LARS2: variants seen among roughly 807,000 people sequenced by gnomAD.
LARS2 encodes the protein leucyl-tRNA synthetase 2, mitochondrial.
LARS2 carries 81 observed loss-of-function variants against 116.6 expected under a neutral mutation model. The observed-to-expected ratio is 0.69, with a 90% CI of 0.58 to 0.84. The LOEUF is 0.84. Ranked by LOEUF, LARS2 falls within the 40% of genes least tolerant of loss-of-function variation. The probability of loss-of-function intolerance (pLI) is 0.00; values close to 1 mark genes in which losing one functional copy is unlikely to be tolerated. For missense variants in LARS2, 968 were observed against 1,114.5 expected (o/e 0.87, Z 1.87); for synonymous variants, 396 against 407.2 (o/e 0.97, Z 0.33).
intron 7 of LARS2, among the ~76,000 whole-genome samples, chr3:45,454,860 G>C (rs1439187571): frequency 6.6e-6 from 1 of 152,196 alleles, no homozygotes; most frequent in Non-Finnish European, 1.5e-5. Context: ...AAGGGATTTA[G>C]GAAGCAACTC....
chr3:45,531,538 C>T (rs539448868), intron 20 of LARS2, among the ~76,000 whole-genome samples: 9 of 151,804 alleles, frequency 5.9e-5, no homozygotes, highest in African/African-American at 1.7e-4. Flanking sequence ...CCCCTACGCC[C>T]GGCTAATTTT....
At chr3:45,452,121 G>A (rs562100942) in intron 7 of LARS2, among the ~76,000 whole-genome samples, 1 of 152,210 alleles carries the variant, frequency 6.6e-6, no homozygotes, top group African/African-American at 2.4e-5. Context: ...ATAAAATCAT[G>A]TTGTCTGCAA....
At chr3:45,481,065 C>T (rs1393436114) in intron 10 of LARS2, among the ~76,000 whole-genome samples, 3 of 152,182 alleles carry the variant, frequency 2.0e-5, no homozygotes, top group Admixed American at 1.3e-4. Context: ...GCCTAATCTC[C>T]AGCCCTAGGC....
chr3:45,414,957 T>A (rs1317355065), intron 4 of LARS2, among the ~76,000 whole-genome samples: 1 of 152,138 alleles, frequency 6.6e-6, no homozygotes, highest in African/African-American at 2.4e-5. Flanking sequence ...TTGTAAGCAG[T>A]GTGTCTTTCC....
chr3:45,406,381 G>A (rs186704897), intron 4 of LARS2, among the ~76,000 whole-genome samples: 1 of 152,200 alleles, frequency 6.6e-6, no homozygotes, highest in East Asian at 1.9e-4. Context: ...TAGTTCTGAT[G>A]TAAGTGCTCT....
At chr3:45,473,051 AG>A (rs1699552815) in intron 8 of LARS2, among the ~76,000 whole-genome samples, 1 of 152,198 alleles carries the variant, frequency 6.6e-6, no homozygotes, top group Non-Finnish European at 1.5e-5. Context: ...GCACAGTTGT[AG>A]GCTTTGGGCC....
intron 3 of LARS2, among the ~76,000 whole-genome samples, chr3:45,399,511 A>G (rs1032369868): frequency 2.0e-5 from 3 of 151,908 alleles, no homozygotes; most frequent in Admixed American, 6.6e-5. Context: ...TGGAGTAGCC[A>G]TTCTTTTATC....
chr3:45,517,229 C>T (rs1464896460), intron 17 of LARS2, among the ~76,000 whole-genome samples: 2 of 152,184 alleles, frequency 1.3e-5, no homozygotes, highest in Non-Finnish European at 2.9e-5. Flanking sequence ...TAAGAAGCCT[C>T]CCAGAAGGTT....
chr3:45,445,596 G>A lies in LARS2; in HGVS notation c.517-1295G>A, dbSNP rs537684299. ...GCTGGCCTAGGTGGACAGCTACAAT[G>A]TGGGCAAAGCCCTTTGACTGGCTGG... On this transcript the variant is annotated intron_variant, in intron 6 of 21. Transcript: ENST00000645846. Among the ~76,000 whole-genome samples the A allele has an allele frequency of 3.3e-5, 5 of 152,344 alleles. No individual in the cohort carries two copies. In the South Asian group the frequency reaches 1.0e-3, roughly 32 times the overall value.
At chr3:45,394,152 C>G (rs1160980589) in intron 2 of LARS2, among the ~76,000 whole-genome samples, 1 of 152,222 alleles carries the variant, frequency 6.6e-6, no homozygotes, top group Non-Finnish European at 1.5e-5. Flanking sequence ...GCCTTCCATG[C>G]AACTTGTGAG....
At chr3:45,422,444 T>G (rs574165448) in intron 6 of LARS2, 39 of 152,316 alleles carry the variant, frequency 2.6e-4, no homozygotes, top group African/African-American at 9.1e-4. Flanking sequence ...AATAACATAT[T>G]TTCTTCTTGA....
chr3:45,482,215 GT>G (rs1265863503), intron 10 of LARS2, among the ~76,000 whole-genome samples: 1 of 151,978 alleles, frequency 6.6e-6, no homozygotes, highest in Admixed American at 6.6e-5. Context: ...CATACATAAT[GT>G]CCTATCAACT....
chr3:45,535,093 C>T (rs975253632), intron 20 of LARS2, among the ~76,000 whole-genome samples: 1 of 152,162 alleles, frequency 6.6e-6, no homozygotes, highest in African/African-American at 2.4e-5. Context: ...CTGGCTCACT[C>T]TTGTAATCCC....
chr3:45,449,716 C>G (rs1699093862), intron 7 of LARS2, among the ~76,000 whole-genome samples: 1 of 152,148 alleles, frequency 6.6e-6, no homozygotes, highest in Non-Finnish European at 1.5e-5. Context: ...TATTAGCATT[C>G]TATTTCTGTG....
At chr3:45,396,725 C>CGGGTA (rs1046838025) in intron 3 of LARS2, among the ~76,000 whole-genome samples, 2 of 152,160 alleles carry the variant, frequency 1.3e-5, no homozygotes, top group African/African-American at 4.8e-5. Flanking sequence ...AACAACCCAG[C>CGGGTA]GGGTAGGTAT....
At chr3:45,544,603 A>G (rs1700849037) in intron 21 of LARS2, among the ~76,000 whole-genome samples, 1 of 152,164 alleles carries the variant, frequency 6.6e-6, no homozygotes, top group Admixed American at 6.5e-5. Context: ...TGTTATCCCC[A>G]TTCACAGACA....
intron 16 of LARS2, among the ~76,000 whole-genome samples, chr3:45,514,786 T>C (rs1028302628): frequency 1.3e-5 from 2 of 152,194 alleles, no homozygotes; most frequent in African/African-American, 4.8e-5. Context: ...CATAACAGTG[T>C]TTTAAGGTCT....
intron 8 of LARS2, among the ~76,000 whole-genome samples, chr3:45,473,946 A>G (rs1436141504): frequency 6.6e-6 from 1 of 152,178 alleles, no homozygotes; most frequent in Non-Finnish European, 1.5e-5. Context: ...TGTACTAGAC[A>G]CACTTGCCAA....
At chr3:45,502,400 A>C (rs1700135464) in intron 15 of LARS2, among the ~76,000 whole-genome samples, 2 of 152,042 alleles carry the variant, frequency 1.3e-5, no homozygotes, top group African/African-American at 4.8e-5. Flanking sequence ...AAAATTAATA[A>C]TCTTTCCTTT....
Sources: gnomAD v4.1 joint callset for allele counts (sites outside exome capture counted in the v4.1 genomes callset) on GRCh38, gnomAD v4.1.1 for gene constraint, MANE v1.5 for transcripts, NCBI Gene and HGNC (gene_info 2026-07-23, HGNC 2026-07-21) for gene names.